The following SMOC2 variants were observed in gnomAD, a reference collection of about 807,000 sequenced individuals.
SMOC2 encodes the protein SPARC related modular calcium binding 2, also known as SPARC-related modular calcium-binding protein 2.
SMOC2 carries 39 observed loss-of-function variants against 61.4 expected under a neutral mutation model. The ratio of observed to expected loss-of-function variants is 0.64; its 90% CI spans 0.49 to 0.83. The LOEUF (loss-of-function observed/expected upper bound fraction) is 0.83, where lower values mean the gene tolerates loss of function less well. SMOC2 is among the 40% of genes least tolerant of loss of function. The probability of loss-of-function intolerance (pLI) is 0.00; values close to 1 mark genes in which losing one functional copy is unlikely to be tolerated. For synonymous variants in SMOC2, 247 were observed against 239.9 expected (o/e 1.03, Z -0.27); for missense variants, 556 against 592.9 (o/e 0.94, Z 0.65).
At chr6:168,474,958 T>C (rs1002848420) in intron 1 of SMOC2, among the ~76,000 whole-genome samples, 1 of 152,178 alleles carries the variant, frequency 6.6e-6, no homozygotes, top group African/African-American at 2.4e-5. Context: ...ACCATACTGC[T>C]GACTACCTAG....
intron 9 of SMOC2, among the ~76,000 whole-genome samples, chr6:168,649,562 A>C (rs1739174922): frequency 6.6e-6 from 1 of 152,182 alleles, no homozygotes; most frequent in African/African-American, 2.4e-5. Flanking sequence ...CTTTATAAAA[A>C]TTTAACAAAA....
rs1781204522 is a variant in SMOC2, at chr6:168,441,454, G to A, written c.84G>A (p.Thr28=). The A allele has an allele frequency of 2.7e-6, 4 of 1,503,570 alleles. No individual in the cohort carries two copies. Among genetic ancestry groups the A allele is most frequent in the South Asian group, 1.2e-5 (1 of 80,030 alleles). The allele number at this position is 1,503,570 out of a possible 1,614,324, so 93.1% of individuals were successfully genotyped here. Residue 28 remains threonine (T), a splice_region_variant and synonymous_variant, in exon 1 of 13, where the codon ACG becomes ACA. Coordinates refer to ENST00000356284, the MANE Select transcript of SMOC2 (RefSeq NM_001166412.2). Reference sequence around the variant, plus strand: ...CCGCTCAGAAGTTCTCGGCGCTCACGGTAAGCCCGGGCCCGCGGGACCTGG... The same window carrying A: ...CCGCTCAGAAGTTCTCGGCGCTCACAGTAAGCCCGGGCCCGCGGGACCTGG... The part of the protein sequence containing the change: ...PVPAQKFSAL[T]FLRVDQDKDK...
chr6:168,459,857 G>T (rs903816162), intron 1 of SMOC2, among the ~76,000 whole-genome samples: 1 of 151,698 alleles, frequency 6.6e-6, no homozygotes, highest in African/African-American at 2.4e-5. Flanking sequence ...CCCTGGGCTG[G>T]GTGAGCCCGG....
chr6:168,518,153 A>G (rs6455527), intron 2 of SMOC2, among the ~76,000 whole-genome samples: 31,882 of 152,170 alleles, frequency 0.21, 3,675 homozygotes, highest in African/African-American at 0.28. Context: ...CGACGTCCCC[A>G]TGAGGCTCCT....
intron 1 of SMOC2, among the ~76,000 whole-genome samples, chr6:168,470,237 G>C (rs1254585712): frequency 6.6e-6 from 1 of 152,208 alleles, no homozygotes; most frequent in Non-Finnish European, 1.5e-5. Flanking sequence ...ATCAGTCTCT[G>C]CTGTGAGTCC....
In SMOC2 at chr6:168,475,555, G is replaced by C. The variant is rs900757244; in HGVS notation, c.84+34101G>C. On this transcript the variant is annotated intron_variant, in intron 1 of 12. Transcript: ENST00000356284. The surrounding 1 kb of genome is among the most constrained non-coding windows in gnomAD (Gnocchi z 4.6). ...GGGAGAGGAGGCCATGGCCAGCGTT[G>C]CCTTGGGGGACAGGGCATGAAGGCA... Among the ~76,000 whole-genome samples the C allele has an allele frequency of 6.6e-6, 1 of 152,076 alleles. No individual in the cohort carries two copies. The highest frequency in any genetic ancestry group is 6.5e-5 in the Admixed American group (1 of 15,290).
At chr6:168,608,313 A>G in intron 9 of SMOC2, 74 bp downstream of exon 9, 4 of 1,485,740 alleles carry the variant, frequency 2.7e-6, no homozygotes, top group Middle Eastern at 1.7e-4. Context: ...TGGAATGAAA[A>G]AGACTTTATC....
intron 11 of SMOC2, among the ~76,000 whole-genome samples, chr6:168,654,277 TC>T (rs1290228887): frequency 3.1e-4 from 15 of 48,898 alleles, no homozygotes; most frequent in African/African-American, 8.8e-4. Context: ...GCTCCTGAGC[TC>T]CAACCAAATG....
At chr6:168,562,671 A>G (rs955657100) in intron 7 of SMOC2, among the ~76,000 whole-genome samples, 8 of 152,174 alleles carry the variant, frequency 5.3e-5, no homozygotes, top group African/African-American at 1.9e-4. Flanking sequence ...TTTCTGATTT[A>G]CGCATCCGGG....
rs1194490003 is a variant in SMOC2 at position 168,652,628 on chromosome 6, G to A, written c.1011-326G>A. On this transcript the variant is annotated intron_variant, in intron 10 of 12. Transcript: ENST00000356284. ...GAAAAGCTCAGGGTTCTGGTGTGTC[G>A]GGCGGGTATAGCTGCATGTGCTGAC... Among the ~76,000 whole-genome samples the A allele has an allele frequency of 2.6e-5, 4 of 152,052 alleles. No individual in the cohort carries two copies. The South Asian group carries it at 6.2e-4, about 24-fold the overall frequency.
rs1787297888 is a variant in SMOC2 at position 168,655,478 on chromosome 6, C to T, written c.1285+2250C>T. 8.8e-6 allele frequency: 4 copies of T among 454,036 alleles called. 1 individual carries two copies. Among genetic ancestry groups the T allele is most frequent in the South Asian group, 6.2e-5 (4 of 64,308 alleles). The allele number at this position is 454,036 out of a possible 1,614,324, so 28.1% of individuals were successfully genotyped here. On this transcript the variant is annotated intron_variant, in intron 11 of 12. Coordinates refer to ENST00000356284, the MANE Select transcript of SMOC2 (RefSeq NM_001166412.2). ...AGAAGCCGGGTCTGACTTTTCAGCT[C>T]AGAGACAGCACTGTGAGATGCGTGC...
intron 9 of SMOC2, among the ~76,000 whole-genome samples, chr6:168,612,065 G>T (rs1357225790): frequency 2.0e-5 from 3 of 152,168 alleles, no homozygotes; most frequent in Non-Finnish European, 4.4e-5. Flanking sequence ...AGACTTTTTG[G>T]CTAAGTGATA....
intron 2 of SMOC2, among the ~76,000 whole-genome samples, chr6:168,519,041 G>A (rs1453868226): frequency 6.6e-6 from 1 of 151,300 alleles, no homozygotes; most frequent in African/African-American, 2.4e-5. Context: ...GTGTATGTGT[G>A]CATGTGTGAG....
chr6:168,580,838 ACCATTT>A (rs1348963919), intron 7 of SMOC2, among the ~76,000 whole-genome samples: 1 of 152,208 alleles, frequency 6.6e-6, no homozygotes, highest in Non-Finnish European at 1.5e-5. Flanking sequence ...GGCCTAAAAC[ACCATTT>A]GAATGCATAA....
chr6:168,520,037 C>T (rs545905134), intron 2 of SMOC2, among the ~76,000 whole-genome samples: 21 of 152,202 alleles, frequency 1.4e-4, no homozygotes, highest in Admixed American at 1.3e-3. Flanking sequence ...GAAATGGTGT[C>T]GTTCTGGTCA....
At chr6:168,635,669 G>C (rs960701598) in intron 9 of SMOC2, among the ~76,000 whole-genome samples, 1 of 152,068 alleles carries the variant, frequency 6.6e-6, no homozygotes, top group Non-Finnish European at 1.5e-5. Context: ...CCAAGAGTTT[G>C]AGACTAGCCT....
intron 2 of SMOC2, among the ~76,000 whole-genome samples, chr6:168,524,526 C>T (rs1393173866): frequency 6.6e-6 from 1 of 152,210 alleles, no homozygotes; most frequent in African/African-American, 2.4e-5. Context: ...GCTTTCTTGG[C>T]ATGTTCCATG....
In SMOC2 at chr6:168,530,509, G is replaced by A. The variant is rs1783563544; in HGVS notation, c.463+2782G>A. ...ATAAAGGAAAAAATCCTGATGACCA[G>A]TAAAGGCAGGAAAAGGTGCCTAGGA... On this transcript the variant is annotated intron_variant, in intron 4 of 12. Coordinates refer to ENST00000356284, the MANE Select transcript of SMOC2 (RefSeq NM_001166412.2). 2.0e-5 allele frequency among the ~76,000 whole-genome samples: 3 copies of A among 152,090 alleles called. No homozygotes were observed. In the South Asian group the frequency reaches 6.2e-4, roughly 32 times the overall value.
chr6:168,462,723 CAG>C (rs1258091152), intron 1 of SMOC2, among the ~76,000 whole-genome samples: 2 of 152,070 alleles, frequency 1.3e-5, no homozygotes, highest in African/African-American at 2.4e-5. Flanking sequence ...TCAGAGGACT[CAG>C]GGAGAAAAAG....
Sources: gnomAD v4.1 joint callset for allele counts (sites outside exome capture counted in the v4.1 genomes callset) on GRCh38, gnomAD v4.1.1 for gene constraint, Gnocchi (gnomAD v3.1) non-coding constraint, MANE v1.5 for transcripts, NCBI Gene and HGNC (gene_info 2026-07-23, HGNC 2026-07-21) for gene names.